PHACTR1: variants seen among roughly 807,000 people sequenced by gnomAD.
PHACTR1 encodes the protein phosphatase and actin regulator 1, also known as RPEL repeat containing 1.
A neutral mutation model predicts 69.2 loss-of-function variants in PHACTR1; 16 were observed. That is an observed-to-expected ratio of 0.23 (90% CI 0.16 to 0.35). The LOEUF (loss-of-function observed/expected upper bound fraction) is 0.35, where lower values mean the gene tolerates loss of function less well. Among genes scored for constraint, PHACTR1 ranks in the 10% least tolerant of loss-of-function variants. The probability of loss-of-function intolerance (pLI) is 1.00; values close to 1 mark genes in which losing one functional copy is unlikely to be tolerated. For synonymous variants in PHACTR1, 312 were observed against 284.5 expected (o/e 1.10, Z -0.97); for missense variants, 510 against 734.7 (o/e 0.69, Z 3.54).
rs1562133059 is a variant in PHACTR1 at position 13,286,236 on chromosome 6, G to T, written c.1727+14G>T. The stretch of plus-strand genomic sequence containing the variant: ...ACACTTAACAAGGTTAGTATTAAGG[G>T]TTTTTTTTTTCCTTTTTTTCCCTCA... On this transcript the variant is annotated intron_variant, in intron 14 of 14. Coordinates refer to ENST00000332995, the MANE Select transcript of PHACTR1 (RefSeq NM_030948.6). The T allele has an allele frequency of 4.2e-6, 6 of 1,438,276 alleles. No individual in the cohort carries two copies. Among genetic ancestry groups the T allele is most frequent in the South Asian group, 2.8e-5 (2 of 72,136 alleles). 89.1% of individuals were successfully genotyped at this position (1,438,276 alleles called of 1,614,324 possible).
At chr6:12,932,065 G>A (rs375860099) in intron 4 of PHACTR1, among the ~76,000 whole-genome samples, 62 of 152,194 alleles carry the variant, frequency 4.1e-4, no homozygotes, top group East Asian at 1.5e-3. Context: ...GGTAGGACCC[G>A]AAATCTGTGT....
At chr6:13,266,279 C>G (rs1344160260) in intron 10 of PHACTR1, among the ~76,000 whole-genome samples, 1 of 152,156 alleles carries the variant, frequency 6.6e-6, no homozygotes, top group African/African-American at 2.4e-5. Context: ...TCCACCATTT[C>G]TTACCAGGTG....
chr6:12,793,494 CT>C (rs1418438208), intron 4 of PHACTR1, among the ~76,000 whole-genome samples: 1 of 152,114 alleles, frequency 6.6e-6, no homozygotes, highest in African/African-American at 2.4e-5. Flanking sequence ...GTTCTTTATG[CT>C]TCAAGATTTG....
At chr6:13,067,882 C>A (rs1168136000) in intron 5 of PHACTR1, among the ~76,000 whole-genome samples, 1 of 152,086 alleles carries the variant, frequency 6.6e-6, no homozygotes, top group African/African-American at 2.4e-5. Context: ...CTACTTACTT[C>A]TAAGATAAGG....
At chr6:13,192,789 C>T (rs541243600) in intron 7 of PHACTR1, among the ~76,000 whole-genome samples, 16 of 152,290 alleles carry the variant, frequency 1.1e-4, no homozygotes, top group African/African-American at 3.6e-4. Context: ...TGATGTGTTC[C>T]CTGCTGAGTC....
intron 5 of PHACTR1, among the ~76,000 whole-genome samples, chr6:13,088,951 A>G (rs543237077): frequency 3.5e-4 from 54 of 152,338 alleles, no homozygotes; most frequent in African/African-American, 1.2e-3. Flanking sequence ...ATATTTAGAA[A>G]TGGATTATAC....
chr6:12,724,940 C>T (rs1205883188), intron 3 of PHACTR1, among the ~76,000 whole-genome samples: 1 of 152,110 alleles, frequency 6.6e-6, no homozygotes, highest in African/African-American at 2.4e-5. Context: ...AATGATTTCC[C>T]CTCTTTTATC....
chr6:13,159,688 T>A (rs546493468), intron 5 of PHACTR1, among the ~76,000 whole-genome samples: 3 of 152,232 alleles, frequency 2.0e-5, no homozygotes, highest in Admixed American at 2.0e-4. Context: ...ACCCCTGTAA[T>A]CCCAGCCCTT....
chr6:13,036,853 A>G (rs977363925), intron 4 of PHACTR1, among the ~76,000 whole-genome samples: 1 of 152,234 alleles, frequency 6.6e-6, no homozygotes, highest in African/African-American at 2.4e-5. Context: ...GATGGGAAAT[A>G]TACATACTGA....
At chr6:13,187,397 A>G (rs183348478) in intron 7 of PHACTR1, among the ~76,000 whole-genome samples, 11 of 152,356 alleles carry the variant, frequency 7.2e-5, no homozygotes, top group Admixed American at 3.3e-4. Flanking sequence ...AGAGTATTCC[A>G]GGAAAGAAGA....
Position 12,718,796 on chromosome 6 carries a change from C to T in PHACTR1, c.52C>T (p.Leu18Phe), listed in dbSNP as rs775033646. ...YFLDVESAHR[L>F]LDVESAQRFF... ...TCTGGATGTAGAGTCTGCTCACAGA[C>T]TCTTGGATGTTGAGTCAGCTCAAAG... Residue 18 changes from leucine to phenylalanine, a missense_variant, in exon 3 of 15, where the codon CTC (leucine) becomes TTC (phenylalanine). Leu to Phe is a conservative substitution (Grantham distance 22). Around this residue, in one of 2 missense-constraint regions of PHACTR1, gnomAD observed 419 missense variants for 530.9 expected, o/e 0.79. Coordinates refer to ENST00000332995, the MANE Select transcript of PHACTR1 (RefSeq NM_030948.6). 1 of 1,573,922 alleles carries T rather than the reference C, an allele frequency of 6.4e-7. No individual in the cohort carries two copies. The highest frequency in any genetic ancestry group is 8.6e-7 in the Non-Finnish European group (1 of 1,157,238).
Position 13,283,611 on chromosome 6 carries a change from G to A in PHACTR1, c.1650+49G>A. On this transcript the variant is annotated intron_variant, in intron 13 of 14. Coordinates refer to ENST00000332995, the MANE Select transcript of PHACTR1 (RefSeq NM_030948.6). The surrounding 1 kb of genome is among the most constrained non-coding windows in gnomAD (Gnocchi z 4.7). ...AGTGGGAGGCAGGACCGTCTGCTGGGTCTCGCTGGGCTCACCGCTGGGGAG... is the reference window on the plus strand; with the variant it reads ...AGTGGGAGGCAGGACCGTCTGCTGGATCTCGCTGGGCTCACCGCTGGGGAG... The A allele has an allele frequency of 6.2e-7, 1 of 1,612,948 alleles. No homozygotes were observed. Among genetic ancestry groups the A allele is most frequent in the Non-Finnish European group, 8.5e-7 (1 of 1,179,776 alleles).
At chr6:13,123,180 T>C (rs1370486027) in intron 5 of PHACTR1, among the ~76,000 whole-genome samples, 1 of 152,212 alleles carries the variant, frequency 6.6e-6, no homozygotes, top group East Asian at 1.9e-4. Context: ...CAGCTCAGCC[T>C]GTATCCAGCT....
At chr6:12,998,337 G>C (rs1797672300) in intron 4 of PHACTR1, among the ~76,000 whole-genome samples, 1 of 152,048 alleles carries the variant, frequency 6.6e-6, no homozygotes. Context: ...CCAAAAATAG[G>C]CTAGGCACAG....
chr6:13,030,075 G>T (rs982184666), intron 4 of PHACTR1, among the ~76,000 whole-genome samples: 1 of 152,206 alleles, frequency 6.6e-6, no homozygotes, highest in East Asian at 1.9e-4. Context: ...ACTGACCCTA[G>T]CATATAGTAA....
At chr6:12,966,766 G>A (rs1056895205) in intron 4 of PHACTR1, among the ~76,000 whole-genome samples, 2 of 152,230 alleles carry the variant, frequency 1.3e-5, no homozygotes, top group East Asian at 1.9e-4. Context: ...ATATTGTGCT[G>A]TTTAGTAAAA....
At chr6:13,085,058 TG>T (rs779124849) in intron 5 of PHACTR1, among the ~76,000 whole-genome samples, 3 of 152,138 alleles carry the variant, frequency 2.0e-5, no homozygotes, top group Non-Finnish European at 4.4e-5. Flanking sequence ...AATTAAAAGA[TG>T]GATGTTAAAA....
At chr6:13,092,827 A>G (rs1157601683) in intron 5 of PHACTR1, among the ~76,000 whole-genome samples, 2 of 152,268 alleles carry the variant, frequency 1.3e-5, no homozygotes, top group Non-Finnish European at 2.9e-5. Context: ...ATGCTTTGCT[A>G]TAGAACATGG....
At chr6:13,166,952 T>C (rs1304337582) in intron 6 of PHACTR1, among the ~76,000 whole-genome samples, 4 of 152,180 alleles carry the variant, frequency 2.6e-5, no homozygotes. Context: ...AAGGAGCAAC[T>C]GTATATTGTT....
Sources: allele counts gnomAD v4.1 joint callset (sites outside exome capture counted in the v4.1 genomes callset), GRCh38; gene constraint gnomAD v4.1.1; regional missense constraint gnomAD v4.1.1; non-coding constraint Gnocchi (gnomAD v3.1); transcripts MANE v1.5; gene names NCBI Gene and HGNC (gene_info 2026-07-23, HGNC 2026-07-21).